CEP83: variants seen among roughly 807,000 people sequenced by gnomAD.
The protein encoded by CEP83 is centrosomal protein 83, also known as centrosomal protein of 83 kDa.
Under a neutral mutation model 101.9 loss-of-function variants are expected in CEP83, and 70 were observed. The ratio of observed to expected loss-of-function variants is 0.69; its 90% confidence interval spans 0.57 to 0.84. The LOEUF is 0.84. CEP83 is among the 40% of genes least tolerant of loss of function. CEP83 has a pLI of 0.00. For synonymous variants in CEP83, 264 were observed against 267.9 expected, an observed-to-expected ratio of 0.99 and a Z score of 0.14; for missense variants, 715 against 787.2, an observed-to-expected ratio of 0.91 and a Z score of 1.10.
chr12:94,371,233 T>C (rs2061290868), intron 8 of CEP83, among the ~76,000 whole-genome samples: 1 of 152,180 alleles, frequency 6.6e-6, no homozygotes, highest in Non-Finnish European at 1.5e-5. Flanking sequence ...GTGGCACAAT[T>C]AACTAATGCG....
At chr12:94,447,552 T>C (rs959032172) in intron 1 of CEP83, among the ~76,000 whole-genome samples, 3 of 152,146 alleles carry the variant, frequency 2.0e-5, no homozygotes, top group Non-Finnish European at 2.9e-5. Flanking sequence ...CATTGGAAAC[T>C]GTAATTACAT....
intron 2 of CEP83, chr12:94,424,309 G>T (rs146530339): frequency 1.7e-5 from 27 of 1,614,100 alleles, no homozygotes; most frequent in Non-Finnish European, 2.3e-5. Context: ...TCTTTGGCCC[G>T]CCATCAGCAA....
At chr12:94,339,274 A>G (rs575450884) in intron 11 of CEP83, among the ~76,000 whole-genome samples, 123 of 152,282 alleles carry the variant, frequency 8.1e-4, no homozygotes, top group African/African-American at 2.8e-3. Context: ...GTACCTATAC[A>G]TGCTAAGCCC....
chr12:94,402,394 A>C (rs2063305857), intron 5 of CEP83: 1 of 152,230 alleles, frequency 6.6e-6, no homozygotes, highest in African/African-American at 2.4e-5. Context: ...AGCACAGTAG[A>C]AGGTATGTAT....
chr12:94,291,609 G>A, the CEP83 span, among the ~76,000 whole-genome samples: 4 of 152,096 alleles, frequency 2.6e-5, no homozygotes, highest in South Asian at 2.1e-4. Context: ...TTATAGAATT[G>A]AGCAACCATT....
intron 11 of CEP83, among the ~76,000 whole-genome samples, chr12:94,340,725 C>T (rs2059646220): frequency 6.6e-6 from 1 of 152,236 alleles, no homozygotes; most frequent in African/African-American, 2.4e-5. Context: ...GCGTGAGCCA[C>T]CACGCCCAGC....
intron 14 of CEP83, among the ~76,000 whole-genome samples, chr12:94,330,328 T>C (rs1380922738): frequency 6.6e-6 from 1 of 152,112 alleles, no homozygotes; most frequent in East Asian, 1.9e-4. Context: ...TCTAATCCTG[T>C]TGAAAAGATT....
chr12:94,454,377 C>T (rs1228566529), intron 1 of CEP83, among the ~76,000 whole-genome samples: 2 of 152,164 alleles, frequency 1.3e-5, no homozygotes, highest in African/African-American at 2.4e-5. Context: ...ATTCTGGGTC[C>T]GGTGTGGACT....
At chr12:94,401,852 T>A (rs757476740) in intron 5 of CEP83, among the ~76,000 whole-genome samples, 3 of 152,188 alleles carry the variant, frequency 2.0e-5, no homozygotes, top group Non-Finnish European at 4.4e-5. Context: ...TCCCAAACCA[T>A]AATGGCTTGC....
intron 11 of CEP83, among the ~76,000 whole-genome samples, chr12:94,340,875 G>A (rs2059654702): frequency 6.6e-6 from 1 of 152,208 alleles, no homozygotes; most frequent in African/African-American, 2.4e-5. Flanking sequence ...AAATAAGAGA[G>A]GAGGAATAAA....
intron 1 of CEP83, among the ~76,000 whole-genome samples, chr12:94,449,665 T>A (rs1166690679): frequency 6.7e-6 from 1 of 149,026 alleles, no homozygotes; most frequent in Non-Finnish European, 1.5e-5. Flanking sequence ...CCCAGCCACT[T>A]GGGAGGCGGA....
chr12:94,435,811 C>A (rs1336890345), intron 1 of CEP83, among the ~76,000 whole-genome samples: 1 of 152,216 alleles, frequency 6.6e-6, no homozygotes, highest in African/African-American at 2.4e-5. Flanking sequence ...ACAACTTCAA[C>A]CGCTAGCCTA....
rs531154517 is a variant in CEP83 at position 94,321,421 on chromosome 12, A to T, written c.1708-8404T>A. ...AACCCTTGTTGGAGAACTAGTGGCC[A>T]TTTGACACTCCGACCATCTGTGTTG... On this transcript the variant is annotated intron_variant, in intron 14 of 16. Transcript: ENST00000397809. Among the ~76,000 whole-genome samples the T allele has an allele frequency of 3.9e-5, 6 of 152,284 alleles. No individual in the cohort carries two copies. The South Asian group carries it at 1.2e-3, about 32-fold the overall frequency.
intron 14 of CEP83, among the ~76,000 whole-genome samples, chr12:94,331,302 A>AAAAAAGAAAAG (rs2059196782): frequency 8.0e-6 from 1 of 125,114 alleles, no homozygotes; most frequent in Admixed American, 7.4e-5. Flanking sequence ...AAAAAAAAAA[A>AAAAAAGAAAAG]AAAAAAAAAA....
At chr12:94,305,351 G>A, downstream of CEP83, 1 of 875,920 alleles carries the variant, frequency 1.1e-6, no homozygotes, top group South Asian at 1.5e-5. Context: ...ATGGCTGCTT[G>A]AGCTACTCTG....
the CEP83 span, among the ~76,000 whole-genome samples, chr12:94,294,282 T>C: frequency 6.6e-6 from 1 of 152,156 alleles, no homozygotes; most frequent in South Asian, 2.1e-4. Flanking sequence ...CACAGGACCA[T>C]GAGCCCCTTG....
chr12:94,374,894 G>A (rs2061459446), intron 8 of CEP83, among the ~76,000 whole-genome samples: 1 of 152,142 alleles, frequency 6.6e-6, no homozygotes, highest in Admixed American at 6.5e-5. Flanking sequence ...AGGCACTTAA[G>A]TTTCAGAGAG....
Position 94,395,440 on chromosome 12 carries a change from C to T in CEP83, c.549+5410G>A, listed in dbSNP as rs548570329. Among the ~76,000 whole-genome samples the T allele has an allele frequency of 2.6e-5, 4 of 151,278 alleles. No homozygotes were observed. In the South Asian group the frequency reaches 8.4e-4, roughly 32 times the overall value. ...TTTTATGTACTATAATTTATTTTTCCTAAATTAATGATGGCATGTTTTATA... is the reference window on the plus strand; with the variant it reads ...TTTTATGTACTATAATTTATTTTTCTTAAATTAATGATGGCATGTTTTATA... On this transcript the variant is annotated intron_variant, in intron 6 of 16. Coordinates refer to ENST00000397809, the MANE Select transcript of CEP83 (RefSeq NM_016122.3).
intron 11 of CEP83, among the ~76,000 whole-genome samples, chr12:94,364,551 G>A (rs1217602207): frequency 1.3e-5 from 2 of 152,038 alleles, no homozygotes; most frequent in African/African-American, 4.8e-5. Flanking sequence ...GATTGCTTGA[G>A]CTCAGGAGTT....
Sources: gnomAD v4.1 joint callset for allele counts (sites outside exome capture counted in the v4.1 genomes callset) on GRCh38, gnomAD v4.1.1 for gene constraint, MANE v1.5 for transcripts, NCBI Gene and HGNC (gene_info 2026-07-23, HGNC 2026-07-21) for gene names.